Variants in CREB1 observed in about 807,000 individuals in gnomAD.
CREB1 encodes cyclic AMP-responsive element-binding protein 1.
CREB1 carries 2 observed loss-of-function variants against 42.0 expected under a neutral mutation model. The observed-to-expected ratio is 0.05, with a 90% CI of 0.02 to 0.15. CREB1 has a LOEUF of 0.15. Among genes scored for constraint, CREB1 ranks in the 10% least tolerant of loss-of-function variants. CREB1 has a pLI of 1.00. For synonymous variants in CREB1, 123 were observed against 139.9 expected (o/e 0.88, Z 0.85); for missense variants, 199 against 388.9 (o/e 0.51, Z 4.11).
At chr2:207,576,554 G>A in intron 6 of CREB1, 1 of 498,442 alleles carries the variant, frequency 2.0e-6, no homozygotes, top group Non-Finnish European at 3.5e-6. Flanking sequence ...AATATATTCT[G>A]TTATTAAACG....
At chr2:207,568,354 T>A (rs1230170341) in intron 4 of CREB1, among the ~76,000 whole-genome samples, 2 of 152,132 alleles carry the variant, frequency 1.3e-5, no homozygotes, top group African/African-American at 4.8e-5. Context: ...AAATTTTATA[T>A]TACCAGTTTA....
At chr2:207,530,291 G>C (rs2080537817) in intron 1 of CREB1, among the ~76,000 whole-genome samples, 157 bp downstream of exon 1, 1 of 151,854 alleles carries the variant, frequency 6.6e-6, no homozygotes, top group South Asian at 2.1e-4. Flanking sequence ...CATCGCCGCC[G>C]CTCGCAGCGA....
chr2:207,541,200 CAA>C (rs1443630443), intron 1 of CREB1, among the ~76,000 whole-genome samples: 4 of 151,428 alleles, frequency 2.6e-5, no homozygotes, highest in South Asian at 2.1e-4. Flanking sequence ...GCCTGGGTGA[CAA>C]GAGCAAGACT....
At position 207,555,744 on chromosome 2, in the gene CREB1, G is replaced by A; in HGVS notation, c.109G>A (p.Ala37Thr). The change falls in exon 2 of 8, where the codon GCC becomes ACC. Residue 37 changes from alanine to threonine, a missense_variant. Coordinates refer to ENST00000353267, the MANE Select transcript of CREB1 (RefSeq NM_004379.5). ...VQAQPQIATL[A>T]QVSMPAAHAT... Reference sequence around the variant, plus strand: ...AGCCCAGCCACAGATTGCCACATTAGCCCAGGTATAAAATACATGGAGAGA... The same window carrying A: ...AGCCCAGCCACAGATTGCCACATTAACCCAGGTATAAAATACATGGAGAGA... 6.2e-7 allele frequency: 1 copy of A among 1,607,054 alleles called. No homozygotes were observed. The highest frequency in any genetic ancestry group is 8.5e-7 in the Non-Finnish European group (1 of 1,173,854).
intron 3 of CREB1, 39 bp downstream of exon 3, chr2:207,560,411 T>C: frequency 6.3e-7 from 1 of 1,590,082 alleles, no homozygotes; most frequent in Non-Finnish European, 8.6e-7. Context: ...TTTAATAACT[T>C]TTGTTTATAG....
intron 3 of CREB1, among the ~76,000 whole-genome samples, chr2:207,566,377 C>G (rs1471029166): frequency 6.6e-6 from 1 of 152,214 alleles, no homozygotes; most frequent in Non-Finnish European, 1.5e-5. Context: ...ATAATTCTTA[C>G]TCTGACCGCA....
intron 5 of CREB1, among the ~76,000 whole-genome samples, chr2:207,572,242 A>AG (rs1553502495): frequency 1.9e-4 from 29 of 149,956 alleles, no homozygotes; most frequent in Non-Finnish European, 3.1e-4. Flanking sequence ...AAAAAAAAAA[A>AG]AGAGAGATTA....
intron 7 of CREB1, 143 bp from the exon 8 acceptor site, chr2:207,596,771 C>A: frequency 1.0e-6 from 1 of 979,232 alleles, no homozygotes; most frequent in Non-Finnish European, 1.5e-6. Context: ...CCAAGTAATT[C>A]TGTATATCTT....
At position 207,564,014 on chromosome 2, in the gene CREB1, T is replaced by G. The variant is rs775833084; in HGVS notation, c.262-3449T>G. 6.1e-4 allele frequency among the ~76,000 whole-genome samples: 92 copies of G among 152,040 alleles called. 1 individual carries two copies. The highest frequency in any genetic ancestry group is 1.0e-4 in the Non-Finnish European group (7 of 67,982). On this transcript the variant is annotated intron_variant, in intron 3 of 7. Coordinates refer to ENST00000353267, the MANE Select transcript of CREB1 (RefSeq NM_004379.5). The stretch of plus-strand genomic sequence containing the variant: ...ATTCTCACTATCCTGAAAAATAATA[T>G]TATTTATCTTTAAGAAATATATAAA...
At chr2:207,535,067 C>T (rs1175165879) in intron 1 of CREB1, among the ~76,000 whole-genome samples, 1 of 152,144 alleles carries the variant, frequency 6.6e-6, no homozygotes, top group Non-Finnish European at 1.5e-5. Context: ...TGCTTTTATT[C>T]TTAGGTCTTA....
Position 207,604,455 on chromosome 2 carries a change from CCTT to C in CREB1, c.*7404_*7406del, listed in dbSNP as rs1434767946. On this transcript the variant is annotated 3_prime_UTR_variant, in exon 8 of 8. Transcript: ENST00000353267. ...AAAGCACTACCTTAATCAGTGTTAT[CCTT>C]CTTCTTAACTGTGCGTCCTAATTTC... 1.4e-5 allele frequency among the ~76,000 whole-genome samples: 2 copies of C among 144,514 alleles called. No homozygotes were observed. Among genetic ancestry groups the C allele is most frequent in the Non-Finnish European group, 3.0e-5 (2 of 66,600 alleles). 94.8% of individuals were successfully genotyped at this position (144,514 alleles called of 152,430 possible). A position where few individuals can be genotyped will look rare whatever the true frequency, so the allele number is the denominator to read the frequency against.
intron 6 of CREB1, 33 bp downstream of exon 6, chr2:207,575,487 AT>A (rs1409536873): frequency 6.6e-7 from 1 of 1,523,540 alleles, no homozygotes; most frequent in African/African-American, 1.4e-5. Context: ...GGTGTGGTAA[AT>A]TCTTCAAAAT....
intron 1 of CREB1, among the ~76,000 whole-genome samples, chr2:207,549,969 CAA>C (rs879282723): frequency 1.8e-4 from 20 of 112,356 alleles, no homozygotes; most frequent in Admixed American, 1.9e-4. Flanking sequence ...GACTCCATCT[CAA>C]AAAAAAAAAA....
chr2:207,581,727 T>C, intron 7 of CREB1: 1 of 607,834 alleles, frequency 1.6e-6, no homozygotes, highest in Admixed American at 2.9e-5. Context: ...TTATCAAAAA[T>C]AAAAGTACAT....
intron 7 of CREB1, among the ~76,000 whole-genome samples, chr2:207,592,658 C>T (rs866638580): frequency 3.9e-5 from 6 of 152,046 alleles, no homozygotes; most frequent in East Asian, 1.9e-4. Flanking sequence ...CAGTGGCTCA[C>T]GCATGTAATC....
chr2:207,532,845 T>C (rs1209406844), intron 1 of CREB1, among the ~76,000 whole-genome samples: 2 of 151,896 alleles, frequency 1.3e-5, no homozygotes, highest in Non-Finnish European at 2.9e-5. Flanking sequence ...AAGCTCCGCC[T>C]CCCGGGTTCA....
chr2:207,580,580 C>A (rs2082844334), intron 7 of CREB1: 1 of 217,124 alleles, frequency 4.6e-6, no homozygotes, highest in South Asian at 1.9e-4. Flanking sequence ...TTATGCACAT[C>A]AAACACAGCC....
intron 1 of CREB1, among the ~76,000 whole-genome samples, chr2:207,543,043 C>G (rs940870477): frequency 6.6e-6 from 1 of 152,180 alleles, no homozygotes; most frequent in Admixed American, 6.5e-5. Flanking sequence ...GCTTGAGTCC[C>G]TTATATAAAG....
chr2:207,595,956 T>C (rs916749249), intron 7 of CREB1, among the ~76,000 whole-genome samples: 7 of 152,210 alleles, frequency 4.6e-5, no homozygotes, highest in African/African-American at 1.7e-4. Context: ...TTATTGTCTT[T>C]CGATGTGCAG....
Sources: allele counts gnomAD v4.1 joint callset (sites outside exome capture counted in the v4.1 genomes callset), GRCh38; gene constraint gnomAD v4.1.1; transcripts MANE v1.5; gene names NCBI Gene and HGNC (gene_info 2026-07-23, HGNC 2026-07-21).